Variants in TENM4 observed in about 807,000 individuals in gnomAD.
TENM4 encodes the protein teneurin transmembrane protein 4, also known as teneurin-4.
A neutral mutation model predicts 243.3 loss-of-function variants in TENM4; 82 were observed. That is an observed-to-expected ratio of 0.34 (90% CI 0.28 to 0.40). The LOEUF is 0.40. Ranked by LOEUF, TENM4 falls within the 10% of genes least tolerant of loss-of-function variation. The pLI is 1.00. For missense variants in TENM4, 3,138 were observed against 3,673.3 expected (o/e 0.85, Z 3.77); for synonymous variants, 1,412 against 1,456.3 (o/e 0.97, Z 0.69).
intron 12 of TENM4, among the ~76,000 whole-genome samples, chr11:78,816,758 T>C (rs974376930): frequency 5.9e-5 from 9 of 152,240 alleles, no homozygotes; most frequent in Non-Finnish European, 8.8e-5. Flanking sequence ...GATCTAGGCC[T>C]GTGTTAAATG....
intron 6 of TENM4, among the ~76,000 whole-genome samples, chr11:79,025,816 A>T (rs761102537): frequency 2.6e-5 from 4 of 152,158 alleles, no homozygotes; most frequent in Non-Finnish European, 5.9e-5. Flanking sequence ...TGGGAATTTT[A>T]CAGGAACAAC....
chr11:78,853,038 C>G (rs1480276182), intron 12 of TENM4, among the ~76,000 whole-genome samples: 2 of 152,092 alleles, frequency 1.3e-5, no homozygotes, highest in Non-Finnish European at 2.9e-5. Flanking sequence ...ATAGTATGAG[C>G]CACCACACCT....
intron 9 of TENM4, among the ~76,000 whole-genome samples, chr11:78,871,259 G>C (rs564341830): frequency 1.3e-5 from 2 of 152,306 alleles, no homozygotes; most frequent in Admixed American, 6.5e-5. Flanking sequence ...CTAGCTTTGA[G>C]AGTTGTGGAG....
At chr11:79,057,443 C>T (rs1443113763) in intron 6 of TENM4, among the ~76,000 whole-genome samples, 1 of 152,150 alleles carries the variant, frequency 6.6e-6, no homozygotes, top group Non-Finnish European at 1.5e-5. Context: ...TCACCTACCG[C>T]AAGGCTATGT....
At position 78,805,282 on chromosome 11, in the gene TENM4, C is replaced by CCCCCCCCCACCCCCCCCCCCCATTTT; in HGVS notation, c.2179+9_2179+10insAAAATGGGGGGGGGGGGTGGGGGGGG. On this transcript the variant is annotated intron_variant, in intron 15 of 33. Transcript: ENST00000278550. ...CCCTCTACCCATGCTTCTTCTCCCCCTGCATTTACCGATAGAACAGTCGTG... is the reference window on the plus strand; with the variant it reads ...CCCTCTACCCATGCTTCTTCTCCCCCCCCCCCCCACCCCCCCCCCCCATTTTTGCATTTACCGATAGAACAGTCGTG... 1 of 995,568 alleles carries CCCCCCCCCACCCCCCCCCCCCATTTT rather than the reference C, an allele frequency of 1.0e-6. No homozygotes were observed. The highest frequency in any genetic ancestry group is 3.2e-5 in the South Asian group (1 of 30,968). The allele number at this position is 995,568 out of a possible 1,614,324, so 61.7% of individuals were successfully genotyped here.
chr11:78,831,900 A>T (rs758250248), intron 12 of TENM4, among the ~76,000 whole-genome samples: 4 of 152,228 alleles, frequency 2.6e-5, no homozygotes, highest in Non-Finnish European at 5.9e-5. Context: ...AAGCTTCCTC[A>T]TTCGAACCCC....
intron 1 of TENM4, among the ~76,000 whole-genome samples, chr11:79,373,966 C>T (rs1857838389): frequency 6.6e-6 from 1 of 152,102 alleles, no homozygotes; most frequent in Admixed American, 6.5e-5. Flanking sequence ...GGGTGAGGGC[C>T]ATCCAAGGCT....
intron 4 of TENM4, among the ~76,000 whole-genome samples, chr11:79,134,099 T>TA (rs1381093568): frequency 1.1e-4 from 16 of 152,108 alleles, no homozygotes; most frequent in Admixed American, 1.0e-3. Context: ...TTGAAAGCCC[T>TA]AAAGACTCCT....
chr11:78,862,659 C>T (rs1858852747), intron 10 of TENM4, among the ~76,000 whole-genome samples: 1 of 152,194 alleles, frequency 6.6e-6, no homozygotes, highest in Admixed American at 6.5e-5. Context: ...CCTCTCACCC[C>T]ACACAAAGAT....
rs748565212 is a variant in TENM4, at chr11:78,856,216, G to T, written c.1256-38C>A. 14 of 1,535,072 alleles carry T rather than the reference G, an allele frequency of 9.1e-6. No homozygotes were observed. The South Asian group carries it at 1.4e-4, about 16-fold the overall frequency. On this transcript the variant is annotated intron_variant, in intron 10 of 33. Transcript: ENST00000278550. ...AGGGAAGGGAAGACAAAGACATCTC[G>T]GTTAGCCACATGGGAAACGAGAAAC... is the stretch of plus-strand genomic sequence containing the variant.
Position 78,965,156 on chromosome 11 carries a change from C to T in TENM4, c.494-61633G>A, listed in dbSNP as rs150361181. ...GTGCAGGGATTACAGGGGTGAGCCA[C>T]CACGCCCGGCCCCTCATTTGTAATT... is the stretch of plus-strand genomic sequence containing the variant. On this transcript the variant is annotated intron_variant, in intron 6 of 33. Transcript: ENST00000278550. Among the ~76,000 whole-genome samples the T allele has an allele frequency of 3.6e-3, 553 of 152,276 alleles. 1 individual carries two copies. Among genetic ancestry groups the T allele is most frequent in the Non-Finnish European group, 5.9e-3 (403 of 68,014 alleles).
chr11:78,992,712 A>G (rs1276978277), intron 6 of TENM4, among the ~76,000 whole-genome samples: 1 of 152,240 alleles, frequency 6.6e-6, no homozygotes, highest in African/African-American at 2.4e-5. Flanking sequence ...AGTAGGAAGT[A>G]GAGAAGGTGT....
chr11:78,776,695 A>G (rs1856746783), intron 17 of TENM4, among the ~76,000 whole-genome samples: 1 of 152,198 alleles, frequency 6.6e-6, no homozygotes, highest in Non-Finnish European at 1.5e-5. Flanking sequence ...TTTTGCCAAG[A>G]AACATTTGCC....
rs183240207 is a variant in TENM4, at chr11:78,910,388, C to T, written c.494-6865G>A. Among the ~76,000 whole-genome samples the T allele has an allele frequency of 9.2e-5, 14 of 152,322 alleles. No homozygotes were observed. In the East Asian group the frequency reaches 2.7e-3, roughly 29 times the overall value. The stretch of plus-strand genomic sequence containing the variant: ...AGTTATTTGGCTTCCATTAAAATGC[C>T]ATCGACTACCACTGACATGGGATGG... On this transcript the variant is annotated intron_variant, in intron 6 of 33. Transcript: ENST00000278550.
At chr11:79,277,525 C>T (rs1244188627) in intron 2 of TENM4, among the ~76,000 whole-genome samples, 1 of 152,130 alleles carries the variant, frequency 6.6e-6, no homozygotes, top group Non-Finnish European at 1.5e-5. Flanking sequence ...ACTCCAAAGC[C>T]CTGGCTTTTC....
chr11:79,138,177 C>T (rs546281452), intron 4 of TENM4, among the ~76,000 whole-genome samples: 302 of 150,476 alleles, frequency 2.0e-3, no homozygotes, highest in Non-Finnish European at 3.2e-3. Context: ...ATGCTGGATG[C>T]TTCCTGCCCT....
Position 79,157,797 on chromosome 11 carries a change from CT to C in TENM4, c.-162-8992del, listed in dbSNP as rs1591321581. 2.0e-5 allele frequency among the ~76,000 whole-genome samples: 3 copies of C among 152,328 alleles called. No homozygotes were observed. The East Asian group carries it at 5.8e-4, about 29-fold the overall frequency. ...ACTGTACTGTATTGGTAAATTCTGTCTGTTGGTCCCGCTACTGTGAACTCCA... is the reference window on the plus strand; with the variant it reads ...ACTGTACTGTATTGGTAAATTCTGTCGTTGGTCCCGCTACTGTGAACTCCA... On this transcript the variant is annotated intron_variant, in intron 3 of 33. Coordinates refer to ENST00000278550, the MANE Select transcript of TENM4 (RefSeq NM_001098816.3).
chr11:79,117,640 G>C (rs989125447), intron 4 of TENM4, among the ~76,000 whole-genome samples: 1 of 152,186 alleles, frequency 6.6e-6, no homozygotes, highest in African/African-American at 2.4e-5. Context: ...TGTAGCTCCT[G>C]GCACATTCTC....
chr11:79,233,957 G>C (rs938136116), intron 2 of TENM4, among the ~76,000 whole-genome samples: 1 of 152,210 alleles, frequency 6.6e-6, no homozygotes, highest in African/African-American at 2.4e-5. Flanking sequence ...GAAGCATGCA[G>C]TTACCTCTGC....
Sources: allele counts gnomAD v4.1 joint callset (sites outside exome capture counted in the v4.1 genomes callset), GRCh38; gene constraint gnomAD v4.1.1; transcripts MANE v1.5; gene names NCBI Gene and HGNC (gene_info 2026-07-23, HGNC 2026-07-21).